CABYR: variants seen among roughly 807,000 people sequenced by gnomAD.
The protein encoded by CABYR is calcium-binding tyrosine phosphorylation-regulated protein.
A neutral mutation model predicts 36.1 loss-of-function variants in CABYR; 31 were observed. That is an observed-to-expected ratio of 0.86 (90% confidence interval 0.64 to 1.16). The LOEUF (loss-of-function observed/expected upper bound fraction) is 1.16. Among genes scored for constraint, CABYR ranks in the 50% most tolerant of loss-of-function variants. The probability of loss-of-function intolerance (pLI) is 0.00; values close to 1 mark genes in which losing one functional copy is unlikely to be tolerated. For missense variants in CABYR, 429 were observed against 455.8 expected (o/e 0.94, Z 0.53); for synonymous variants, 146 against 160.7 (o/e 0.91, Z 0.69).
At chr18:24,152,081 C>T (rs1390247091) in intron 3 of CABYR, among the ~76,000 whole-genome samples, 1 of 152,084 alleles carries the variant, frequency 6.6e-6, no homozygotes, top group Non-Finnish European at 1.5e-5. Flanking sequence ...ATAACACACA[C>T]ATATAAAGAA....
At chr18:24,154,750 G>C (rs1367323483) in intron 3 of CABYR, among the ~76,000 whole-genome samples, 3 of 152,214 alleles carry the variant, frequency 2.0e-5, no homozygotes, top group Non-Finnish European at 4.4e-5. Context: ...AGGTAGTTAG[G>C]TGTGTGGGTG....
chr18:24,160,721 A>G (rs987885877), intron 5 of CABYR: 3 of 152,814 alleles, frequency 2.0e-5, no homozygotes, highest in African/African-American at 4.8e-5. Flanking sequence ...CAGACAAAAA[A>G]GTGTATTACA....
intron 4 of CABYR, chr18:24,156,428 C>G: frequency 6.2e-7 from 1 of 1,614,092 alleles, no homozygotes; most frequent in Non-Finnish European, 8.5e-7. Flanking sequence ...TTGTTTATAT[C>G]GAGCAACTGC....
At chr18:24,155,178 CT>C (rs1270508882) in intron 3 of CABYR, among the ~76,000 whole-genome samples, 1 of 152,160 alleles carries the variant, frequency 6.6e-6, no homozygotes, top group Non-Finnish European at 1.5e-5. Context: ...CCCACCCAAC[CT>C]TTTTCCCCAG....
intron 3 of CABYR, among the ~76,000 whole-genome samples, chr18:24,152,418 G>A (rs976263448): frequency 1.3e-5 from 2 of 152,122 alleles, no homozygotes; most frequent in African/African-American, 4.8e-5. Flanking sequence ...TCAGAACCAG[G>A]ACTAGAACCT....
intron 1 of CABYR, among the ~76,000 whole-genome samples, chr18:24,141,657 T>G (rs2085324388): frequency 1.3e-5 from 2 of 152,220 alleles, no homozygotes; most frequent in South Asian, 4.1e-4. Flanking sequence ...CCTATCTTAG[T>G]TTTCCTAGGG....
At chr18:24,157,654 G>C (rs60424494) in intron 4 of CABYR, among the ~76,000 whole-genome samples, 4,211 of 152,308 alleles carry the variant, frequency 0.028, 150 homozygotes, top group African/African-American at 0.087. Context: ...AATAGATGCA[G>C]TTCACGTAAT....
rs1427675355 is a variant in CABYR, at chr18:24,158,159, G to GT, written c.542-1313_542-1312insT. Among the ~76,000 whole-genome samples, 23 of 152,086 alleles carry GT rather than the reference G, an allele frequency of 1.5e-4. 1 individual carries two copies. Among genetic ancestry groups the GT allele is most frequent in the South Asian group, 1.2e-3 (6 of 4,816 alleles). ...ACAGAGTTGTCCACAACACTAAGAGGATACTAACCACAAATTCAGATTATC... is the reference window on the plus strand; with the variant it reads ...ACAGAGTTGTCCACAACACTAAGAGGTATACTAACCACAAATTCAGATTATC... On this transcript the variant is annotated intron_variant, in intron 4 of 5. Coordinates refer to ENST00000399496, the MANE Select transcript of CABYR (RefSeq NM_153769.3).
Position 24,149,999 on chromosome 18 carries a change from C to T in CABYR, c.200-5702C>T, listed in dbSNP as rs185152815. Among the ~76,000 whole-genome samples, 945 of 152,374 alleles carry T rather than the reference C, an allele frequency of 6.2e-3. 12 individuals are homozygous for T. The highest frequency in any genetic ancestry group is 0.021 in the African/African-American group (854 of 41,598). On this transcript the variant is annotated intron_variant, in intron 3 of 5. Coordinates refer to ENST00000399496, the MANE Select transcript of CABYR (RefSeq NM_153769.3). ...GCCTTGGCCAGCCCAGAAAGGGGCT[C>T]CCACAGTGCAGCGGTGGGCTGAAGG...
chr18:24,160,083 C>G lies in CABYR; in HGVS notation c.1139+14C>G, dbSNP rs1463335614. 3.2e-6 allele frequency: 5 copies of G among 1,574,808 alleles called. No homozygotes were observed. The highest frequency in any genetic ancestry group is 4.3e-6 in the Non-Finnish European group (5 of 1,151,286). ...AACTGAAAACTGGTAGGTACACTTT[C>G]CTACCATAATATTTAGGCCTTAACA... On this transcript the variant is annotated intron_variant, in intron 5 of 5. Coordinates refer to ENST00000399496, the MANE Select transcript of CABYR (RefSeq NM_153769.3).
At position 24,159,499 on chromosome 18, in the gene CABYR, C is replaced by G. The variant is rs756646961; in HGVS notation, c.569C>G (p.Pro190Arg). Residue 190 changes from proline to arginine, a missense_variant, in exon 5 of 6, where the codon CCA becomes CGA. Physicochemically the swap from Pro to Arg is moderately radical, Grantham distance 103. Transcript: ENST00000399496. ...ATGGCAACAAGTGAACGAGGACAACCACCACCATGTTCTAACATGTGGACC... is the reference window on the plus strand; with the variant it reads ...ATGGCAACAAGTGAACGAGGACAACGACCACCATGTTCTAACATGTGGACC... ...LAMATSERGQ[P>R]PPCSNMWTLY... 6.2e-7 allele frequency: 1 copy of G among 1,613,484 alleles called. No homozygotes were observed. Among genetic ancestry groups the G allele is most frequent in the Non-Finnish European group, 8.5e-7 (1 of 1,179,776 alleles).
At chr18:24,158,090 G>A (rs1284625446) in intron 4 of CABYR, among the ~76,000 whole-genome samples, 1 of 152,168 alleles carries the variant, frequency 6.6e-6, no homozygotes, top group Non-Finnish European at 1.5e-5. Flanking sequence ...AGCATATCCA[G>A]ACCAAGTCAC....
At chr18:24,152,480 A>G (rs72881785) in intron 3 of CABYR, among the ~76,000 whole-genome samples, 14,855 of 152,246 alleles carry the variant, frequency 0.098, 1,011 homozygotes, top group Middle Eastern at 0.27. Flanking sequence ...GAAGAAAACA[A>G]TATCATACAT....
rs1020086822 is a variant in CABYR, at chr18:24,149,699, G to A, written c.200-6002G>A. 5.3e-5 allele frequency among the ~76,000 whole-genome samples: 8 copies of A among 152,362 alleles called. No individual in the cohort carries two copies. In the East Asian group the frequency reaches 1.2e-3, roughly 22 times the overall value. ...GGCTGCAGGTCCCGAGCCCTGCCCC[G>A]CAGGAAGGCAGCTAAGGCCCGGCGA... On this transcript the variant is annotated intron_variant, in intron 3 of 5. Coordinates refer to ENST00000399496, the MANE Select transcript of CABYR (RefSeq NM_153769.3).
Position 24,143,108 on chromosome 18 carries a change from T to G in CABYR, c.-7T>G, listed in dbSNP as rs781151936. 6 of 1,591,706 alleles carry G rather than the reference T, an allele frequency of 3.8e-6. No homozygotes were observed. In the East Asian group the frequency reaches 6.8e-5, roughly 18 times the overall value. ...CATTCTAGTTGAGTTACAGACATCC[T>G]GCCAAAATGATTTCTTCAAAGCCCA... On this transcript the variant is annotated 5_prime_UTR_variant, in exon 2 of 6. Transcript: ENST00000399496.
At chr18:24,158,063 A>G (rs980889460) in intron 4 of CABYR, among the ~76,000 whole-genome samples, 20 of 152,284 alleles carry the variant, frequency 1.3e-4, no homozygotes, top group African/African-American at 4.1e-4. Context: ...GACTGGCACT[A>G]TATTTGTGGC....
rs1599403829 is a variant in CABYR at position 24,160,167 on chromosome 18, T to G, written c.1139+98T>G. On this transcript the variant is annotated intron_variant, in intron 5 of 5. Coordinates refer to ENST00000399496, the MANE Select transcript of CABYR (RefSeq NM_153769.3). ...TGGAGATTTAGATATTTAAAAACAA[T>G]TTGAGATAATAAGTTGGGGTATACT... is the stretch of plus-strand genomic sequence containing the variant. 3.3e-6 allele frequency: 3 copies of G among 900,786 alleles called. No homozygotes were observed. In the East Asian group the frequency reaches 7.3e-5, roughly 22 times the overall value. The allele number at this position is 900,786 out of a possible 1,614,324, so 55.8% of individuals were successfully genotyped here.
At chr18:24,145,419 G>A in intron 3 of CABYR, among the ~76,000 whole-genome samples, 1 of 152,174 alleles carries the variant, frequency 6.6e-6, no homozygotes, top group Admixed American at 6.5e-5. Flanking sequence ...CTTTCTTCCT[G>A]AGGACACTTT....
intron 3 of CABYR, among the ~76,000 whole-genome samples, chr18:24,145,689 C>T (rs966261857): frequency 2.7e-4 from 41 of 152,208 alleles, no homozygotes; most frequent in African/African-American, 9.2e-4. Flanking sequence ...AAAGCTAAGT[C>T]GAGAGATCAG....
Sources: gnomAD v4.1 joint callset for allele counts (sites outside exome capture counted in the v4.1 genomes callset) on GRCh38, gnomAD v4.1.1 for gene constraint, MANE v1.5 for transcripts, NCBI Gene and HGNC (gene_info 2026-07-23, HGNC 2026-07-21) for gene names.